Variants in NUMB observed in about 807,000 individuals in gnomAD.
NUMB encodes NUMB endocytic adaptor protein, also known as protein numb homolog.
NUMB carries 29 observed loss-of-function variants against 59.7 expected under a neutral mutation model. The observed-to-expected ratio is 0.49, with a 90% CI of 0.36 to 0.66. The LOEUF is 0.66. Among genes scored for constraint, NUMB ranks in the 30% least tolerant of loss-of-function variants. The probability of loss-of-function intolerance (pLI) is 0.00; values close to 1 mark genes in which losing one functional copy is unlikely to be tolerated. For missense variants in NUMB, 723 were observed against 822.0 expected (o/e 0.88, Z 1.47); for synonymous variants, 288 against 288.2 (o/e 1.00, Z 0.01).
At chr14:73,362,248 C>T (rs1894132510) in intron 3 of NUMB, among the ~76,000 whole-genome samples, 1 of 151,510 alleles carries the variant, frequency 6.6e-6, no homozygotes, top group Non-Finnish European at 1.5e-5. Flanking sequence ...CAGAGTGATA[C>T]CTTGTCTCAA....
At chr14:73,431,706 G>A (rs1439840179) in intron 1 of NUMB, among the ~76,000 whole-genome samples, 1 of 151,810 alleles carries the variant, frequency 6.6e-6, no homozygotes, top group Non-Finnish European at 1.5e-5. Context: ...CTGAGATCAC[G>A]CCACTGCACT....
At chr14:73,390,401 T>C (rs1223946460) in intron 2 of NUMB, among the ~76,000 whole-genome samples, 1 of 152,180 alleles carries the variant, frequency 6.6e-6, no homozygotes, top group Non-Finnish European at 1.5e-5. Flanking sequence ...TTAATTTATT[T>C]TGAAATTTTA....
intron 2 of NUMB, among the ~76,000 whole-genome samples, chr14:73,378,915 G>A (rs916577593): frequency 6.6e-5 from 10 of 152,328 alleles, no homozygotes; most frequent in African/African-American, 2.4e-4. Context: ...TAATAAAGAT[G>A]TGTGCTGGAA....
chr14:73,398,419 T>A (rs200097108), intron 2 of NUMB, among the ~76,000 whole-genome samples: 7,787 of 80,856 alleles, frequency 0.096, 240 homozygotes, highest in African/African-American at 0.22. Context: ...AGAGAGAGTG[T>A]GTGTGTGTGT....
intron 6 of NUMB, among the ~76,000 whole-genome samples, chr14:73,306,342 T>C (rs984796910): frequency 2.0e-5 from 3 of 152,180 alleles, no homozygotes; most frequent in African/African-American, 7.2e-5. Flanking sequence ...ATTATTCCAA[T>C]ATTAAGTTCA....
intron 5 of NUMB, among the ~76,000 whole-genome samples, chr14:73,320,543 T>C (rs998451344): frequency 3.3e-5 from 5 of 152,180 alleles, no homozygotes; most frequent in Non-Finnish European, 7.3e-5. Context: ...TAAAACTTTC[T>C]TTTAGTCATT....
At chr14:73,430,222 T>G (rs911510549) in intron 1 of NUMB, among the ~76,000 whole-genome samples, 1 of 152,072 alleles carries the variant, frequency 6.6e-6, no homozygotes, top group Non-Finnish European at 1.5e-5. Context: ...GTGTTTTCAT[T>G]TTACTTGAAT....
intron 2 of NUMB, among the ~76,000 whole-genome samples, chr14:73,407,682 C>T (rs1159067513): frequency 6.6e-6 from 1 of 152,194 alleles, no homozygotes; most frequent in Non-Finnish European, 1.5e-5. Flanking sequence ...ATGTAAATCA[C>T]TTTGGAATGA....
intron 2 of NUMB, among the ~76,000 whole-genome samples, chr14:73,370,367 C>T (rs889625073): frequency 3.0e-4 from 46 of 152,118 alleles, no homozygotes; most frequent in Non-Finnish European, 6.2e-4. Flanking sequence ...CTTGAGGTTA[C>T]TATGCAATGA....
chr14:73,429,408 G>A (rs1358268940), intron 1 of NUMB, among the ~76,000 whole-genome samples: 1 of 151,956 alleles, frequency 6.6e-6, no homozygotes, highest in Admixed American at 6.6e-5. Context: ...CTATAGTTTT[G>A]CCTGTTCCAA....
chr14:73,285,539 C>T (rs1313638178), intron 9 of NUMB: 1 of 151,962 alleles, frequency 6.6e-6, no homozygotes, highest in Non-Finnish European at 1.5e-5. Context: ...TCAATAATTT[C>T]ATTTCAAATA....
At chr14:73,322,324 T>C (rs1467809779) in intron 5 of NUMB, among the ~76,000 whole-genome samples, 2 of 152,254 alleles carry the variant, frequency 1.3e-5, no homozygotes, top group Non-Finnish European at 2.9e-5. Context: ...ACTCGTTCTT[T>C]CCTTTCACTG....
chr14:73,437,375 A>G (rs1396980324), intron 1 of NUMB, among the ~76,000 whole-genome samples: 4 of 152,122 alleles, frequency 2.6e-5, no homozygotes, highest in African/African-American at 9.7e-5. Context: ...TATTCATCTA[A>G]CTGAAGTGTT....
chr14:73,317,077 A>T (rs1891120356), intron 5 of NUMB, among the ~76,000 whole-genome samples: 1 of 152,208 alleles, frequency 6.6e-6, no homozygotes, highest in South Asian at 2.1e-4. Flanking sequence ...CTATATGTAC[A>T]GGTGTGCTGA....
chr14:73,414,717 G>A (rs191493664), intron 1 of NUMB, among the ~76,000 whole-genome samples: 3 of 151,974 alleles, frequency 2.0e-5, no homozygotes, highest in Non-Finnish European at 4.4e-5. Flanking sequence ...TCTGGGGGCG[G>A]GTGCGGGGGG....
intron 1 of NUMB, among the ~76,000 whole-genome samples, chr14:73,422,709 C>A (rs563974511): frequency 3.0e-4 from 45 of 152,040 alleles, no homozygotes; most frequent in African/African-American, 9.9e-4. Context: ...CACACTCTTC[C>A]AAACAACCAC....
At chr14:73,373,705 C>CTTT (rs558452695) in intron 2 of NUMB, among the ~76,000 whole-genome samples, 25 of 127,716 alleles carry the variant, frequency 2.0e-4, no homozygotes, top group African/African-American at 6.9e-4. Flanking sequence ...GGAAAGCTTC[C>CTTT]TTTTTTTTTT....
rs10700256 is a variant in NUMB at position 73,334,949 on chromosome 14, CA to C, written c.127-11746del. 2.7e-3 allele frequency among the ~76,000 whole-genome samples: 297 copies of C among 110,292 alleles called. 1 individual carries two copies. Among genetic ancestry groups the C allele is most frequent in the African/African-American group, 5.6e-3 (162 of 28,974 alleles). The allele number at this position is 110,292 out of a possible 152,430, so 72.4% of individuals were successfully genotyped here. The stretch of plus-strand genomic sequence containing the variant: ...GGGCGACAAGAGCAAAACTCTGTCT[CA>C]AAAAAAAAAAAAAAAAGGTATTAGC... On this transcript the variant is annotated intron_variant, in intron 4 of 12. Coordinates refer to ENST00000555238, the MANE Select transcript of NUMB (RefSeq NM_001005743.2).
intron 4 of NUMB, among the ~76,000 whole-genome samples, chr14:73,338,973 A>C (rs1251242398): frequency 6.6e-6 from 1 of 152,244 alleles, no homozygotes; most frequent in Non-Finnish European, 1.5e-5. Flanking sequence ...TTACCACTTC[A>C]GAAAATAACA....
Sources: allele counts gnomAD v4.1 joint callset (sites outside exome capture counted in the v4.1 genomes callset), GRCh38; gene constraint gnomAD v4.1.1; transcripts MANE v1.5; gene names NCBI Gene and HGNC (gene_info 2026-07-23, HGNC 2026-07-21).